The following ZNF835 variants were observed in gnomAD, a reference collection of about 807,000 sequenced individuals.
ZNF835 encodes the protein zinc finger protein 835.
For missense variants in ZNF835, 783 were observed against 758.4 expected, an observed-to-expected ratio of 1.03 and a Z score of -0.38; for synonymous variants, 323 against 324.7, an observed-to-expected ratio of 0.99 and a Z score of 0.06.
In ZNF835 at chr19:56,665,209, T is replaced by G. The variant is rs748948589; in HGVS notation, c.-11A>C. The G allele has an allele frequency of 2.5e-6, 4 of 1,613,720 alleles. No individual in the cohort carries two copies. The highest frequency in any genetic ancestry group is 3.4e-6 in the Non-Finnish European group (4 of 1,179,866). Reference sequence around the variant, plus strand: ...CAAGAGTCCCTCCATCCTCGATCCCTGGGCTGCTGTCTTGATCTCACATCT... The same window carrying G: ...CAAGAGTCCCTCCATCCTCGATCCCGGGGCTGCTGTCTTGATCTCACATCT... On this transcript the variant is annotated 5_prime_UTR_variant, in exon 2 of 2. Transcript: ENST00000537055.
intron 1 of ZNF835, among the ~76,000 whole-genome samples, chr19:56,666,825 C>T (rs371744597): frequency 1.1e-4 from 16 of 152,290 alleles, no homozygotes; most frequent in South Asian, 4.1e-4. Flanking sequence ...GTCCTCTCTG[C>T]GTGTGAGGAC....
Position 56,667,835 on chromosome 19 carries a change from C to T in ZNF835, c.-47-2590G>A, listed in dbSNP as rs192175357. On this transcript the variant is annotated intron_variant, in intron 1 of 1. Coordinates refer to ENST00000537055, the MANE Select transcript of ZNF835 (RefSeq NM_001005850.3). ...CAGAAGGCTCCCTTGCCCCTTCCTC[C>T]AAATGAAGACACAACAAGAGGGCCC... 1.2e-3 allele frequency among the ~76,000 whole-genome samples: 182 copies of T among 152,260 alleles called. 1 individual carries two copies. Among genetic ancestry groups the T allele is most frequent in the Admixed American group, 9.9e-3 (151 of 15,292 alleles).
At chr19:56,668,218 A>G (rs144069961) in intron 1 of ZNF835, among the ~76,000 whole-genome samples, 1,609 of 152,134 alleles carry the variant, frequency 0.011, 12 homozygotes, top group Non-Finnish European at 0.016. Flanking sequence ...GCTGGTCTCA[A>G]ACTCCTGTCC....
Position 56,663,920 on chromosome 19 carries a change from A to C in ZNF835, c.1279T>G (p.Phe427Val), listed in dbSNP as rs1568522940. Reference protein sequence around the residue: ...PYKCGECGKAFSQGSSLALHQ... With the variant: ...PYKCGECGKAVSQGSSLALHQ... ...AGGGCGAGCGAGGAGCCCTGGCTGAAAGCTTTGCCGCACTCGCCGCACTTG... is the reference window on the plus strand; with the variant it reads ...AGGGCGAGCGAGGAGCCCTGGCTGACAGCTTTGCCGCACTCGCCGCACTTG... Residue 427 changes from phenylalanine (F) to valine (V), a missense_variant, in exon 2 of 2, where the codon TTC becomes GTC. Physicochemically the swap from Phe to Val is conservative, Grantham distance 50. Transcript: ENST00000537055. 2 of 1,611,848 alleles carry C rather than the reference A, an allele frequency of 1.2e-6. No homozygotes were observed. Among genetic ancestry groups the C allele is most frequent in the Admixed American group, 3.3e-5 (2 of 59,908 alleles).
chr19:56,670,944 A>G lies in ZNF835; in HGVS notation c.-48+632T>C, dbSNP rs137896731. On this transcript the variant is annotated intron_variant, in intron 1 of 1. Transcript: ENST00000537055. ...GTATGTGACATGCTGTGATATGCAG[A>G]CACCGCTTCACATGAACGAGCACAT... Among the ~76,000 whole-genome samples, 5 of 152,390 alleles carry G rather than the reference A, an allele frequency of 3.3e-5. No individual in the cohort carries two copies. In the East Asian group the frequency reaches 9.6e-4, roughly 29 times the overall value.
intron 1 of ZNF835, among the ~76,000 whole-genome samples, chr19:56,668,731 A>ACAGAG (rs67164109): frequency 5.9e-5 from 3 of 51,076 alleles, no homozygotes; most frequent in African/African-American, 2.0e-4. Flanking sequence ...GTGGGGCTGG[A>ACAGAG]CAGAGCAACT....
chr19:56,664,292 C>A lies in ZNF835; in HGVS notation c.907G>T (p.Glu303Ter). Reference protein sequence around the residue: ...LTQHRRVHTGEKPYTCQDCGA... With the variant: ...LTQHRRVHTG Reference sequence around the variant, plus strand: ...CAGTCCTGGCACGTGTAGGGCTTCTCGCCCGTGTGCACGCGCCGGTGCTGG... The same window carrying A: ...CAGTCCTGGCACGTGTAGGGCTTCTAGCCCGTGTGCACGCGCCGGTGCTGG... Residue 303 changes from glutamate to a stop codon, truncating the protein, a stop_gained, in exon 2 of 2, where the codon GAG (glutamate) becomes TAG (stop). Coordinates refer to ENST00000537055, the MANE Select transcript of ZNF835 (RefSeq NM_001005850.3). LOFTEE classifies it low-confidence loss of function (END_TRUNC). 6.2e-7 allele frequency: 1 copy of A among 1,605,604 alleles called. No individual in the cohort carries two copies. The highest frequency in any genetic ancestry group is 1.3e-5 in the African/African-American group (1 of 74,766).
Position 56,671,739 on chromosome 19 carries a change from G to C in ZNF835, c.-211C>G, listed in dbSNP as rs997031014. 4.6e-5 allele frequency: 7 copies of C among 152,314 alleles called. No homozygotes were observed. Among genetic ancestry groups the C allele is most frequent in the Non-Finnish European group, 7.3e-5 (5 of 68,108 alleles). 9.4% of individuals were successfully genotyped at this position (152,314 alleles called of 1,614,324 possible). Reference sequence around the variant, plus strand: ...CTAAGGTCAAGACTTCTGCTGCTGCGGAGGAGCCCGCGCACCAGGCCGGGG... The same window carrying C: ...CTAAGGTCAAGACTTCTGCTGCTGCCGAGGAGCCCGCGCACCAGGCCGGGG... On this transcript the variant is annotated 5_prime_UTR_variant, in exon 1 of 2. Transcript: ENST00000537055.
rs755120284 is a variant in ZNF835 at position 56,664,324 on chromosome 19, T to C, written c.875A>G (p.His292Arg). Residue 292 changes from histidine to arginine, a missense_variant, in exon 2 of 2, where the codon CAC (histidine) becomes CGC (arginine). By Grantham distance (29) the His-to-Arg change is conservative. Coordinates refer to ENST00000537055, the MANE Select transcript of ZNF835 (RefSeq NM_001005850.3). ...QCAKAFAQIAHLTQHRRVHTG... is the reference protein window; with the variant it reads ...QCAKAFAQIARLTQHRRVHTG... The stretch of plus-strand genomic sequence containing the variant: ...GTGCACGCGCCGGTGCTGGGTCAGG[T>C]GCGCGATCTGCGCGAAGGCCTTGGC... The C allele has an allele frequency of 6.2e-7, 1 of 1,603,894 alleles. No homozygotes were observed. Among genetic ancestry groups the C allele is most frequent in the South Asian group, 1.1e-5 (1 of 90,148 alleles).
Position 56,664,949 on chromosome 19 carries a change from T to C in ZNF835, c.250A>G (p.Ser84Gly), listed in dbSNP as rs751675776. 6.2e-7 allele frequency: 1 copy of C among 1,614,050 alleles called. No homozygotes were observed. ...TCCTTCGGGCTCTCCCCAGGCGCGC[T>C]GCACCTCCGGGAACTGCTGTCGTCG... ...VPDDSSSRRC[S>G]APGESPKERH... The change falls in exon 2 of 2, where the codon AGC becomes GGC. Residue 84 changes from serine to glycine, a missense_variant. Physicochemically the swap from Ser to Gly is moderately conservative, Grantham distance 56 (BLOSUM62 0). Coordinates refer to ENST00000537055, the MANE Select transcript of ZNF835 (RefSeq NM_001005850.3).
At chr19:56,670,948 C>T (rs1000666060) in intron 1 of ZNF835, among the ~76,000 whole-genome samples, 4 of 152,260 alleles carry the variant, frequency 2.6e-5, no homozygotes, top group African/African-American at 9.6e-5. Context: ...ATGCAGACAC[C>T]GCTTCACATG....
At chr19:56,668,557 A>G (rs936811461) in intron 1 of ZNF835, among the ~76,000 whole-genome samples, 5 of 152,010 alleles carry the variant, frequency 3.3e-5, no homozygotes, top group Non-Finnish European at 7.4e-5. Context: ...TGTGTGGGCT[A>G]TTCTTTCTGC....
In ZNF835 at chr19:56,665,177, C is replaced by T. The variant is rs2045235285; in HGVS notation, c.22G>A (p.Ala8Thr). The change falls in exon 2 of 2, where the codon GCC becomes ACC. Residue 8 changes from alanine to threonine, a missense_variant. By Grantham distance (58) the Ala-to-Thr change is moderately conservative. Transcript: ENST00000537055. MEGLLSV[A>T]LQGAELEGNW... is the part of the protein sequence containing the mutation. ...CCTTCCAACTCTGCGCCCTGGAGGG[C>T]GACGCTCAAGAGTCCCTCCATCCTC... The T allele has an allele frequency of 6.8e-6, 11 of 1,613,930 alleles. 1 individual carries two copies. Among genetic ancestry groups the T allele is most frequent in the Non-Finnish European group, 8.5e-6 (10 of 1,179,876 alleles).
Position 56,663,788 on chromosome 19 carries a change from C to G in ZNF835, c.1411G>C (p.Glu471Gln), listed in dbSNP as rs771556208. 19 of 1,613,986 alleles carry G rather than the reference C, an allele frequency of 1.2e-5. No homozygotes were observed. In the South Asian group the frequency reaches 2.1e-4, roughly 18 times the overall value. ...LIQHHIVHTG[E>Q]KPYECSGCGK... The stretch of plus-strand genomic sequence containing the variant: ...CAGCCGCTGCACTCGTAGGGCTTCT[C>G]CCCGGTGTGCACGATGTGGTGCTGG... The change falls in exon 2 of 2, where the codon GAG (glutamate) becomes CAG (glutamine). Residue 471 changes from glutamate (E) to glutamine (Q), a missense_variant. Physicochemically the swap from Glu to Gln is conservative, Grantham distance 29. Coordinates refer to ENST00000537055, the MANE Select transcript of ZNF835 (RefSeq NM_001005850.3).
At chr19:56,668,905 A>G (rs8109707) in intron 1 of ZNF835, among the ~76,000 whole-genome samples, 8,790 of 151,846 alleles carry the variant, frequency 0.058, 823 homozygotes, top group African/African-American at 0.2. Flanking sequence ...CCTCGTGTGT[A>G]GGGGGAGGGC....
In ZNF835 at chr19:56,664,191, G is replaced by A. The variant is rs2045217092; in HGVS notation, c.1008C>T (p.Cys336=). The A allele has an allele frequency of 6.2e-7, 1 of 1,610,086 alleles. No individual in the cohort carries two copies. ...RIHTGEKPYA[C]GQCAKAFTQV... ...GGGTGAAGGCCTTGGCGCACTGGCC[G>A]CACGCGTAGGGCTTCTCGCCTGTGT... The change falls in exon 2 of 2, where the codon TGC becomes TGT. Residue 336 remains cysteine (C), a synonymous_variant. Coordinates refer to ENST00000537055, the MANE Select transcript of ZNF835 (RefSeq NM_001005850.3).
In ZNF835 at chr19:56,662,394, G is replaced by C. The variant is rs1191545790; in HGVS notation, c.*1191C>G. ...GGCTGGATGGTTTGTTACACAGCAA[G>C]AGCTGACTGATACAAGCATTAAAGT... On this transcript the variant is annotated 3_prime_UTR_variant, in exon 2 of 2. Coordinates refer to ENST00000537055, the MANE Select transcript of ZNF835 (RefSeq NM_001005850.3). The C allele has an allele frequency of 6.6e-6, 1 of 152,218 alleles. No individual in the cohort carries two copies. Among genetic ancestry groups the C allele is most frequent in the East Asian group, 1.9e-4 (1 of 5,200 alleles). 9.4% of individuals were successfully genotyped at this position (152,218 alleles called of 1,614,324 possible).
chr19:56,669,031 TTC>T lies in ZNF835; in HGVS notation c.-48+2543_-48+2544del, dbSNP rs2045268982. Among the ~76,000 whole-genome samples, 4 of 152,076 alleles carry T rather than the reference TTC, an allele frequency of 2.6e-5. No individual in the cohort carries two copies. The South Asian group carries it at 8.3e-4, about 32-fold the overall frequency. The stretch of plus-strand genomic sequence containing the variant: ...GAAGAAAGCTGTCTACTCCCAGCAC[TTC>T]TGACACGTGGGCTTTCTCCACACCA... On this transcript the variant is annotated intron_variant, in intron 1 of 1. Coordinates refer to ENST00000537055, the MANE Select transcript of ZNF835 (RefSeq NM_001005850.3).
intron 1 of ZNF835, among the ~76,000 whole-genome samples, chr19:56,668,503 C>T (rs1442736100): frequency 6.6e-6 from 1 of 151,736 alleles, no homozygotes; most frequent in Non-Finnish European, 1.5e-5. Context: ...GGGCTTGGAT[C>T]ACAGGCAGGC....
Sources: allele counts gnomAD v4.1 joint callset (sites outside exome capture counted in the v4.1 genomes callset), GRCh38; gene constraint gnomAD v4.1.1; transcripts MANE v1.5; gene names NCBI Gene and HGNC (gene_info 2026-07-23, HGNC 2026-07-21).